MIGA1: variants seen among roughly 807,000 people sequenced by gnomAD.
The protein encoded by MIGA1 is family with sequence similarity 73, member A.
MIGA1 carries 58 observed loss-of-function variants against 82.0 expected under a neutral mutation model. That is an observed-to-expected ratio of 0.71 (90% CI 0.57 to 0.88). The LOEUF (loss-of-function observed/expected upper bound fraction) is 0.88. Among genes scored for constraint, MIGA1 ranks in the 40% least tolerant of loss-of-function variants. MIGA1 has a pLI of 0.00. For synonymous variants in MIGA1, 249 were observed against 253.6 expected, an observed-to-expected ratio of 0.98 and a Z score of 0.17; for missense variants, 751 against 749.1, an observed-to-expected ratio of 1.00 and a Z score of -0.03.
intron 8 of MIGA1, among the ~76,000 whole-genome samples, chr1:77,854,702 T>C (rs953865174): frequency 6.6e-6 from 1 of 152,226 alleles, no homozygotes; most frequent in African/African-American, 2.4e-5. Flanking sequence ...GTATATCTTC[T>C]TTTGAGAATT....
Position 77,815,033 on chromosome 1 carries a change from T to G in MIGA1, c.772-75T>G, listed in dbSNP as rs1027533565. ...ATTACTCACTTTCTTTGCCTTTTAT[T>G]TAAAAGTGGGAAAAATATTTAGAAT... On this transcript the variant is annotated intron_variant, in intron 6 of 15. Coordinates refer to ENST00000370791, the MANE Select transcript of MIGA1 (RefSeq NM_198549.4). The G allele has an allele frequency of 2.0e-5, 22 of 1,081,412 alleles. No homozygotes were observed. In the African/African-American group the frequency reaches 3.6e-4, roughly 18 times the overall value. The allele number at this position is 1,081,412 out of a possible 1,614,324, so 67.0% of individuals were successfully genotyped here.
chr1:77,779,963 G>A, intron 1 of MIGA1: 1 of 1,347,188 alleles, frequency 7.4e-7, no homozygotes, highest in African/African-American at 1.5e-5. Context: ...GCAGGGTCGG[G>A]CCTGGTTAGT....
At chr1:77,847,716 G>A (rs1684898215) in intron 8 of MIGA1, 4 of 1,582,760 alleles carry the variant, frequency 2.5e-6, no homozygotes, top group East Asian at 2.2e-5. Context: ...AGTTGGTGAA[G>A]AGGAAGTACC....
chr1:77,835,399 C>G (rs181007239), intron 7 of MIGA1, among the ~76,000 whole-genome samples: 314 of 152,110 alleles, frequency 2.1e-3, no homozygotes, highest in Non-Finnish European at 3.4e-3. Context: ...GTGATTGAGA[C>G]AGTTTAAATT....
chr1:77,801,588 C>G, intron 3 of MIGA1, 80 bp downstream of exon 3: 1 of 1,189,142 alleles, frequency 8.4e-7, no homozygotes, highest in East Asian at 2.9e-5. Context: ...CTTTTAGTCT[C>G]CAGAATTTTC....
At chr1:77,789,195 C>T (rs1047314882) in intron 2 of MIGA1, among the ~76,000 whole-genome samples, 3 of 134,834 alleles carry the variant, frequency 2.2e-5, no homozygotes, top group Non-Finnish European at 3.2e-5. Context: ...TTGTGGGGGG[C>T]GGTTGCTTTT....
chr1:77,782,573 G>A (rs376991820), intron 1 of MIGA1, among the ~76,000 whole-genome samples: 3 of 152,162 alleles, frequency 2.0e-5, no homozygotes, highest in South Asian at 2.1e-4. Context: ...CAGAGACCCA[G>A]ACCCTGAACC....
intron 14 of MIGA1, among the ~76,000 whole-genome samples, chr1:77,871,137 A>AGAGGGAGAGGGAGAGGGAGAGGGC (rs1557940670): frequency 6.9e-6 from 1 of 144,720 alleles, no homozygotes; most frequent in Non-Finnish European, 1.5e-5. Flanking sequence ...AGGGAGAGGG[A>AGAGGGAGAGGGAGAGGGAGAGGGC]GAGGGCAGCA....
At chr1:77,857,089 A>G (rs185434508) in intron 8 of MIGA1, among the ~76,000 whole-genome samples, 82 of 152,152 alleles carry the variant, frequency 5.4e-4, no homozygotes, top group African/African-American at 1.8e-3. Flanking sequence ...TTTGTCATTC[A>G]GTTCGCAGAA....
chr1:77,803,768 C>CG (rs1279513661), intron 4 of MIGA1, among the ~76,000 whole-genome samples: 1 of 151,556 alleles, frequency 6.6e-6, no homozygotes, highest in East Asian at 1.9e-4. Flanking sequence ...GGAAAGGTAA[C>CG]GGGGGGTGGA....
intron 7 of MIGA1, among the ~76,000 whole-genome samples, 161 bp from the exon 8 acceptor site, chr1:77,843,146 G>C (rs562278399): frequency 6.6e-6 from 1 of 152,278 alleles, no homozygotes; most frequent in East Asian, 1.9e-4. Flanking sequence ...CTACTTGTCA[G>C]AGTTTCAGAT....
Position 77,848,056 on chromosome 1 carries a change from G to A in MIGA1, c.996+4649G>A, listed in dbSNP as rs1041789411. 22 of 1,291,028 alleles carry A rather than the reference G, an allele frequency of 1.7e-5. No individual in the cohort carries two copies. The African/African-American group carries it at 3.2e-4, about 19-fold the overall frequency. The allele number at this position is 1,291,028 out of a possible 1,614,324, so 80.0% of individuals were successfully genotyped here. ...GCCAGACACCACACGAAAGGATCAC[G>A]AACATCGAGAGGACACGAGAAAAGG... On this transcript the variant is annotated intron_variant, in intron 8 of 15. Transcript: ENST00000370791.
At chr1:77,813,637 G>A in intron 5 of MIGA1, 97 bp from the exon 6 acceptor site, 1 of 1,263,386 alleles carries the variant, frequency 7.9e-7, no homozygotes, top group Non-Finnish European at 1.1e-6. Flanking sequence ...ATTAGACTGT[G>A]ACATCAGTGA....
chr1:77,825,752 CT>C (rs148376028), intron 7 of MIGA1, among the ~76,000 whole-genome samples: 25 of 151,654 alleles, frequency 1.6e-4, no homozygotes, highest in East Asian at 3.9e-4. Flanking sequence ...AATTGATAAA[CT>C]TTTTTTTTGT....
At chr1:77,833,842 G>A (rs375600356) in intron 7 of MIGA1, among the ~76,000 whole-genome samples, 2 of 152,186 alleles carry the variant, frequency 1.3e-5, no homozygotes, top group African/African-American at 2.4e-5. Flanking sequence ...TAAACAAAAG[G>A]GGGGAGGGTG....
intron 2 of MIGA1, among the ~76,000 whole-genome samples, chr1:77,795,956 T>C (rs1045711957): frequency 3.3e-5 from 5 of 151,928 alleles, no homozygotes; most frequent in African/African-American, 7.3e-5. Flanking sequence ...ATTTTAGCAT[T>C]CCTAGTTGGA....
At chr1:77,816,487 T>C (rs559664467) in intron 7 of MIGA1, among the ~76,000 whole-genome samples, 19 of 152,352 alleles carry the variant, frequency 1.2e-4, no homozygotes, top group Non-Finnish European at 2.5e-4. Flanking sequence ...TTTATATCTA[T>C]GCATTTTGAG....
chr1:77,852,695 A>G lies in MIGA1; in HGVS notation c.997-6243A>G, dbSNP rs187461530. 6.0e-4 allele frequency among the ~76,000 whole-genome samples: 91 copies of G among 152,118 alleles called. 3 individuals carry two copies. Among genetic ancestry groups the G allele is most frequent in the African/African-American group, 2.1e-3 (89 of 41,480 alleles). The stretch of plus-strand genomic sequence containing the variant: ...TCTGTAAAATGTGGATTATTTATTT[A>G]TTTGTTTATTTGAGAGAGAGAATCT... On this transcript the variant is annotated intron_variant, in intron 8 of 15. Transcript: ENST00000370791.
rs576554069 is a variant in MIGA1, at chr1:77,859,170, A to G, written c.1115+114A>G. ...TATGTTTTTAGGTCCAAGTAAAGAA[A>G]AAATTATTTTTACATGTTCTGTCAG... On this transcript the variant is annotated intron_variant, in intron 9 of 15. Transcript: ENST00000370791. 253 of 1,006,294 alleles carry G rather than the reference A, an allele frequency of 2.5e-4. 1 individual carries two copies. The Admixed American group carries it at 5.0e-3, about 20-fold the overall frequency. 62.3% of individuals were successfully genotyped at this position (1,006,294 alleles called of 1,614,324 possible).
Sources: gnomAD v4.1 joint callset for allele counts (sites outside exome capture counted in the v4.1 genomes callset) on GRCh38, gnomAD v4.1.1 for gene constraint, MANE v1.5 for transcripts, NCBI Gene and HGNC (gene_info 2026-07-23, HGNC 2026-07-21) for gene names.